ZSCAN25: variants seen among roughly 807,000 people sequenced by gnomAD.
ZSCAN25 encodes zinc finger and SCAN domain-containing protein 25.
Under a neutral mutation model 38.7 loss-of-function variants are expected in ZSCAN25, and 27 were observed. The observed-to-expected ratio is 0.70, with a 90% CI of 0.51 to 0.96. The LOEUF (loss-of-function observed/expected upper bound fraction) is 0.96. Among genes scored for constraint, ZSCAN25 ranks in the 40% least tolerant of loss-of-function variants. The probability of loss-of-function intolerance (pLI) is 0.00; values close to 1 mark genes in which losing one functional copy is unlikely to be tolerated. For missense variants in ZSCAN25, 637 were observed against 705.9 expected (o/e 0.90, Z 1.11); for synonymous variants, 273 against 277.7 (o/e 0.98, Z 0.17).
At chr7:99,700,001 A>C in the ZSCAN25 span, 5 of 1,612,032 alleles carry the variant, frequency 3.1e-6, no homozygotes, top group Non-Finnish European at 2.5e-6. Flanking sequence ...AGGAGAAGCC[A>C]GGTTTCCACC....
the ZSCAN25 span, chr7:99,663,010 G>A: frequency 1.2e-5 from 18 of 1,457,868 alleles, no homozygotes; most frequent in South Asian, 8.6e-5. Flanking sequence ...TCTTGAAGAC[G>A]TGTTACCTGA....
the ZSCAN25 span, chr7:99,647,887 A>C: frequency 1.0e-6 from 1 of 984,144 alleles, no homozygotes; most frequent in African/African-American, 1.7e-5. Flanking sequence ...CTTAATATAA[A>C]ACTTATAGAA....
At chr7:99,725,090 C>G in the ZSCAN25 span, among the ~76,000 whole-genome samples, 2 of 152,090 alleles carry the variant, frequency 1.3e-5, no homozygotes, top group East Asian at 1.9e-4. Flanking sequence ...GGTCTCCTGC[C>G]TAGTCAAGGG....
Position 99,630,561 on chromosome 7 carries a change from C to T in ZSCAN25, c.*541C>T, listed in dbSNP as rs1355329223. ...GGGATGCATGCGACAGCCCATGACC[C>T]GAGGCATTCTCAGGGTATCTGTGCT... On this transcript the variant is annotated 3_prime_UTR_variant, in exon 8 of 8. Transcript: ENST00000394152. The T allele has an allele frequency of 9.1e-6, 9 of 987,752 alleles. No homozygotes were observed. Among genetic ancestry groups the T allele is most frequent in the African/African-American group, 5.2e-5 (3 of 57,260 alleles). The allele number at this position is 987,752 out of a possible 1,614,324, so 61.2% of individuals were successfully genotyped here. A position where few individuals can be genotyped will look rare whatever the true frequency, so the allele number is the denominator to read the frequency against.
At chr7:99,675,381 T>C in the ZSCAN25 span, among the ~76,000 whole-genome samples, 1 of 152,204 alleles carries the variant, frequency 6.6e-6, no homozygotes, top group Non-Finnish European at 1.5e-5. Flanking sequence ...ATTACTGCTT[T>C]TATCGAGGGT....
chr7:99,670,680 C>G, the ZSCAN25 span, among the ~76,000 whole-genome samples: 1 of 152,134 alleles, frequency 6.6e-6, no homozygotes, highest in Non-Finnish European at 1.5e-5. Context: ...GACAAATATC[C>G]CTTGCTTCAC....
In ZSCAN25 at chr7:99,629,747, C is replaced by T. The variant is rs74391149; in HGVS notation, c.1362C>T (p.Thr454=). 1,047 of 1,614,114 alleles carry T rather than the reference C, an allele frequency of 6.5e-4. 5 individuals carry two copies. The African/African-American group carries it at 0.012, about 18-fold the overall frequency. Residue 454 remains threonine, a synonymous_variant, in exon 8 of 8, where the codon ACC becomes ACT. Coordinates refer to ENST00000394152, the MANE Select transcript of ZSCAN25 (RefSeq NM_145115.3). This position sits in a 1 kb window ranked among gnomAD's most constrained non-coding sequence, Gnocchi z 5.6. ...QHLQVHRRTH[T]GEKPYTCECG... ...TGCAGGTGCACCGGAGGACGCACACCGGGGAGAAGCCCTACACCTGCGAGT... is the reference window on the plus strand; with the variant it reads ...TGCAGGTGCACCGGAGGACGCACACTGGGGAGAAGCCCTACACCTGCGAGT...
the ZSCAN25 span, among the ~76,000 whole-genome samples, chr7:99,675,326 A>G: frequency 6.6e-6 from 1 of 152,208 alleles, no homozygotes; most frequent in Non-Finnish European, 1.5e-5. Context: ...GGTCCCAGAA[A>G]TGTTGATCTA....
chr7:99,636,031 A>G (rs1189349031), downstream of ZSCAN25, among the ~76,000 whole-genome samples: 1 of 137,400 alleles, frequency 7.3e-6, no homozygotes. Flanking sequence ...TGGGCAACAG[A>G]GCGAGACTCC....
chr7:99,670,296 GT>G, the ZSCAN25 span, among the ~76,000 whole-genome samples: 1 of 152,160 alleles, frequency 6.6e-6, no homozygotes, highest in Non-Finnish European at 1.5e-5. Flanking sequence ...GTGTCTTCAA[GT>G]TGAAAACCAA....
the ZSCAN25 span, chr7:99,676,051 A>G: frequency 3.5e-6 from 5 of 1,433,372 alleles, no homozygotes; most frequent in Admixed American, 3.4e-5. Context: ...GGGCATTTTT[A>G]CTGATGGAAC....
At chr7:99,638,575 ACATCC>A in the ZSCAN25 span, 120 of 1,564,826 alleles carry the variant, frequency 7.7e-5, 1 homozygote, top group Non-Finnish European at 1.0e-4. Context: ...CTGGCCACCC[ACATCC>A]CATATGTTGA....
chr7:99,716,043 C>A, the ZSCAN25 span: 3 of 1,538,316 alleles, frequency 2.0e-6, no homozygotes, highest in Admixed American at 1.8e-5. Flanking sequence ...ACTGGAGCAT[C>A]TCCCATCACA....
Position 99,629,914 on chromosome 7 carries a change from G to T in ZSCAN25, c.1529G>T (p.Gly510Val). ...RLVRHQRIHT[G>V]EKPYHCPACG... ...GTCCGACACCAGAGAATCCATACAG[G>T]GGAGAAGCCCTACCACTGTCCTGCC... Residue 510 changes from glycine (G) to valine (V), a missense_variant, in exon 8 of 8, where the codon GGG becomes GTG. By Grantham distance (109) the Gly-to-Val change is moderately radical. Transcript: ENST00000394152. The surrounding 1 kb of genome is among the most constrained non-coding windows in gnomAD (Gnocchi z 5.6). 2 of 1,614,188 alleles carry T rather than the reference G, an allele frequency of 1.2e-6. No homozygotes were observed. The highest frequency in any genetic ancestry group is 8.5e-7 in the Non-Finnish European group (1 of 1,180,032).
chr7:99,672,999 G>A, the ZSCAN25 span: 3 of 591,450 alleles, frequency 5.1e-6, no homozygotes, highest in Non-Finnish European at 4.5e-6. Context: ...ACATACGTGG[G>A]TATCTCCTAT....
the ZSCAN25 span, among the ~76,000 whole-genome samples, chr7:99,645,583 G>A: frequency 6.6e-6 from 1 of 151,978 alleles, no homozygotes; most frequent in Non-Finnish European, 1.5e-5. Context: ...CAGTGTATAA[G>A]TGTTTATTTT....
At chr7:99,724,354 T>C in the ZSCAN25 span, among the ~76,000 whole-genome samples, 1 of 152,214 alleles carries the variant, frequency 6.6e-6, no homozygotes, top group Non-Finnish European at 1.5e-5. Flanking sequence ...AAGACCTGGA[T>C]GATTTTTGTT....
chr7:99,647,910 AACGTGAT>A, the ZSCAN25 span: 1 of 982,834 alleles, frequency 1.0e-6, no homozygotes, highest in Non-Finnish European at 1.2e-6. Flanking sequence ...TTACAAATAA[AACGTGAT>A]ATAAATGTCA....
the ZSCAN25 span, chr7:99,652,663 A>C: frequency 5.0e-6 from 8 of 1,614,116 alleles, no homozygotes; most frequent in Non-Finnish European, 6.8e-6. Context: ...CATTGATTTC[A>C]ACATCTTTCT....
Sources: gnomAD v4.1 joint callset for allele counts (sites outside exome capture counted in the v4.1 genomes callset) on GRCh38, gnomAD v4.1.1 for gene constraint, Gnocchi (gnomAD v3.1) non-coding constraint, MANE v1.5 for transcripts, NCBI Gene and HGNC (gene_info 2026-07-23, HGNC 2026-07-21) for gene names.